JAZF1: variants seen among roughly 807,000 people sequenced by gnomAD.
JAZF1 encodes JAZF zinc finger 1.
A neutral mutation model predicts 26.4 loss-of-function variants in JAZF1; 8 were observed. That is an observed-to-expected ratio of 0.30 (90% CI 0.18 to 0.55). JAZF1 has a LOEUF of 0.55. JAZF1 is among the 20% of genes least tolerant of loss of function. The probability of loss-of-function intolerance (pLI) is 0.94; values close to 1 mark genes in which losing one functional copy is unlikely to be tolerated. For synonymous variants in JAZF1, 126 were observed against 122.3 expected, an observed-to-expected ratio of 1.03 and a Z score of -0.20; for missense variants, 199 against 322.0, an observed-to-expected ratio of 0.62 and a Z score of 2.92.
At chr7:27,852,938 AT>A (rs1012943555) in intron 3 of JAZF1, among the ~76,000 whole-genome samples, 76 of 152,254 alleles carry the variant, frequency 5.0e-4, no homozygotes, top group African/African-American at 1.8e-3. Context: ...CCCCATTACT[AT>A]TTTTTAATTT....
chr7:28,043,936 T>C (rs1783449192), intron 1 of JAZF1, among the ~76,000 whole-genome samples: 1 of 151,810 alleles, frequency 6.6e-6, no homozygotes, highest in Non-Finnish European at 1.5e-5. Flanking sequence ...AAAAAGCAGA[T>C]CCATAGAGGC....
intron 2 of JAZF1, among the ~76,000 whole-genome samples, chr7:27,911,381 C>T (rs1033677528): frequency 6.6e-6 from 1 of 152,098 alleles, no homozygotes; most frequent in East Asian, 1.9e-4. Context: ...TTTACAGATA[C>T]AAAATTGAGC....
At chr7:28,056,481 G>T (rs867662849) in intron 1 of JAZF1, among the ~76,000 whole-genome samples, 5 of 139,504 alleles carry the variant, frequency 3.6e-5, no homozygotes, top group Admixed American at 1.4e-4. Flanking sequence ...CACACAATAA[G>T]AAAGAAATTC....
intron 1 of JAZF1, among the ~76,000 whole-genome samples, chr7:28,079,397 C>A (rs1784101623): frequency 6.6e-6 from 1 of 152,164 alleles, no homozygotes; most frequent in Admixed American, 6.5e-5. Context: ...GTTTTTATCA[C>A]TTCTTAACTC....
At chr7:28,033,081 T>A (rs6943061) in intron 1 of JAZF1, among the ~76,000 whole-genome samples, 11,864 of 152,152 alleles carry the variant, frequency 0.078, 847 homozygotes, top group African/African-American at 0.19. Context: ...GTAAGTATGG[T>A]CTATGTTACT....
intron 3 of JAZF1, among the ~76,000 whole-genome samples, chr7:27,888,485 T>C (rs994079773): frequency 1.3e-5 from 2 of 152,182 alleles, no homozygotes; most frequent in Non-Finnish European, 2.9e-5. Flanking sequence ...AGGGAAGAGC[T>C]CACCTCAACT....
chr7:27,993,437 C>G (rs1785946513), intron 1 of JAZF1, among the ~76,000 whole-genome samples: 1 of 152,168 alleles, frequency 6.6e-6, no homozygotes, highest in Non-Finnish European at 1.5e-5. Context: ...CGGGGAAACG[C>G]AGTTTTCAAA....
chr7:28,125,085 CT>C (rs1332524620), intron 1 of JAZF1, among the ~76,000 whole-genome samples: 2 of 150,182 alleles, frequency 1.3e-5, no homozygotes, highest in African/African-American at 4.9e-5. Context: ...TGAATAGTGC[CT>C]AATATTCTAA....
rs1033294162 is a variant in JAZF1 at position 27,986,920 on chromosome 7, G to T, written c.188+4989C>A. On this transcript the variant is annotated intron_variant, in intron 2 of 4. Transcript: ENST00000283928. Reference sequence around the variant, plus strand: ...GATCTGCCCGCCTGGGCCTCCCGAGGTGCCAGGATTGCAGACGGAGTCTCG... The same window carrying T: ...GATCTGCCCGCCTGGGCCTCCCGAGTTGCCAGGATTGCAGACGGAGTCTCG... Among the ~76,000 whole-genome samples the T allele has an allele frequency of 7.9e-5, 12 of 152,298 alleles. No homozygotes were observed. The South Asian group carries it at 2.5e-3, about 32-fold the overall frequency.
At chr7:28,033,258 C>T (rs974662156) in intron 1 of JAZF1, among the ~76,000 whole-genome samples, 4 of 152,150 alleles carry the variant, frequency 2.6e-5, no homozygotes, top group Non-Finnish European at 5.9e-5. Context: ...AAAATAAAAA[C>T]ATTTCCAAGG....
intron 1 of JAZF1, among the ~76,000 whole-genome samples, chr7:28,157,946 G>A (rs1458539073): frequency 6.6e-6 from 1 of 151,886 alleles, no homozygotes; most frequent in Non-Finnish European, 1.5e-5. Flanking sequence ...AGTTTCTCAA[G>A]TAGCAGAACT....
At chr7:27,896,179 T>C (rs1486778919) in intron 2 of JAZF1, among the ~76,000 whole-genome samples, 1 of 152,196 alleles carries the variant, frequency 6.6e-6, no homozygotes, top group Admixed American at 6.5e-5. Context: ...TTCCTGATAG[T>C]TTCACTTTGG....
intron 1 of JAZF1, among the ~76,000 whole-genome samples, chr7:28,024,557 A>C (rs1389240774): frequency 3.9e-5 from 6 of 152,208 alleles, no homozygotes; most frequent in Non-Finnish European, 7.3e-5. Context: ...AAGATGAGGA[A>C]ACAGGTATGA....
At chr7:28,055,645 A>G (rs1783692744) in intron 1 of JAZF1, among the ~76,000 whole-genome samples, 1 of 152,262 alleles carries the variant, frequency 6.6e-6, no homozygotes, top group East Asian at 1.9e-4. Context: ...CATACAATGT[A>G]AGCTTCACGA....
intron 1 of JAZF1, among the ~76,000 whole-genome samples, chr7:28,099,087 TG>T (rs2127926327): frequency 6.6e-6 from 1 of 152,338 alleles, no homozygotes; most frequent in East Asian, 1.9e-4. Context: ...CTATTATTGC[TG>T]GCATGTTAGC....
At chr7:27,879,120 T>A (rs1299015337) in intron 3 of JAZF1, among the ~76,000 whole-genome samples, 1 of 152,234 alleles carries the variant, frequency 6.6e-6, no homozygotes, top group African/African-American at 2.4e-5. Context: ...CCAAAACATA[T>A]GCAGTAAGAC....
intron 1 of JAZF1, among the ~76,000 whole-genome samples, chr7:28,143,864 ATC>A (rs1381877971): frequency 1.3e-5 from 2 of 152,200 alleles, no homozygotes; most frequent in Non-Finnish European, 1.5e-5. Context: ...TTATTTTATT[ATC>A]TGTCTTTCCT....
intron 1 of JAZF1, among the ~76,000 whole-genome samples, chr7:28,104,951 T>A (rs1401536806): frequency 1.3e-5 from 2 of 152,180 alleles, no homozygotes; most frequent in African/African-American, 2.4e-5. Context: ...TTAGCCCTCA[T>A]GAAACAACCA....
At chr7:27,904,779 C>G (rs1784222944) in intron 2 of JAZF1, among the ~76,000 whole-genome samples, 2 of 152,156 alleles carry the variant, frequency 1.3e-5, no homozygotes, top group Non-Finnish European at 2.9e-5. Context: ...CAGTTTGGCA[C>G]TTAACTTGTA....
Sources: allele counts gnomAD v4.1 joint callset (sites outside exome capture counted in the v4.1 genomes callset), GRCh38; gene constraint gnomAD v4.1.1; transcripts MANE v1.5; gene names NCBI Gene and HGNC (gene_info 2026-07-23, HGNC 2026-07-21).